Variants in PDE8A observed in about 807,000 individuals in gnomAD.
The protein encoded by PDE8A is phosphodiesterase 8A.
In PDE8A, 59 loss-of-function variants were observed where a neutral mutation model predicts 105.0. That is an observed-to-expected ratio of 0.56 (90% confidence interval 0.46 to 0.70). PDE8A has a LOEUF of 0.70. Ranked by LOEUF, PDE8A falls within the 30% of genes least tolerant of loss-of-function variation. The probability of loss-of-function intolerance (pLI) is 0.00; values close to 1 mark genes in which losing one functional copy is unlikely to be tolerated. For missense variants in PDE8A, 1,014 were observed against 1,045.9 expected, an observed-to-expected ratio of 0.97 and a Z score of 0.42; for synonymous variants, 355 against 371.9, an observed-to-expected ratio of 0.95 and a Z score of 0.52.
rs118031302 is a variant in PDE8A at position 84,987,932 on chromosome 15, A to T, written c.186+5584A>T. On this transcript the variant is annotated intron_variant, in intron 1 of 21. Transcript: ENST00000394553. The stretch of plus-strand genomic sequence containing the variant: ...AGGACATGAGTAAGCCCTCAGTCTT[A>T]CCCAAGCTTAGTGGCTTCATCCTGG... 2.1e-3 allele frequency among the ~76,000 whole-genome samples: 327 copies of T among 152,324 alleles called. 1 individual carries two copies. The highest frequency in any genetic ancestry group is 3.7e-3 in the Admixed American group (56 of 15,304).
At chr15:85,077,423 G>A (rs893091525) in intron 5 of PDE8A, among the ~76,000 whole-genome samples, 2 of 152,214 alleles carry the variant, frequency 1.3e-5, no homozygotes, top group African/African-American at 4.8e-5. Context: ...TGTAGCCCAG[G>A]TTAGTATAAG....
At chr15:85,126,087 T>G in intron 19 of PDE8A, 120 bp from the exon 20 acceptor site, 32 of 615,828 alleles carry the variant, frequency 5.2e-5, no homozygotes, top group Non-Finnish European at 6.9e-5. Context: ...CACTGTTTTG[T>G]GAGATCCTTA....
chr15:85,129,930 C>T (rs1336702693), intron 20 of PDE8A, among the ~76,000 whole-genome samples: 1 of 152,040 alleles, frequency 6.6e-6, no homozygotes, highest in Non-Finnish European at 1.5e-5. Context: ...TTCTTTGACC[C>T]CTTGGTTGTT....
chr15:85,065,887 G>A (rs16974197), intron 2 of PDE8A, among the ~76,000 whole-genome samples: 13,493 of 152,266 alleles, frequency 0.089, 1,659 homozygotes, highest in African/African-American at 0.28. Flanking sequence ...CAGGACTGAC[G>A]TGATTGGGGC....
chr15:85,067,086 A>C lies in PDE8A; in HGVS notation c.316A>C (p.Lys106Gln). ...FCRACEKAGFKCTVTKEAQAV... is the reference protein window; with the variant it reads ...FCRACEKAGFQCTVTKEAQAV... Reference sequence around the variant, plus strand: ...CAGGGCATGTGAAAAAGCAGGGTTTAAGTGTACAGTTACCAAGGAGGCTCA... The same window carrying C: ...CAGGGCATGTGAAAAAGCAGGGTTTCAGTGTACAGTTACCAAGGAGGCTCA... The change falls in exon 3 of 22, where the codon AAG becomes CAG. Residue 106 changes from lysine (K) to glutamine (Q), a missense_variant. Coordinates refer to ENST00000394553, the MANE Select transcript of PDE8A (RefSeq NM_002605.3). The C allele has an allele frequency of 6.2e-7, 1 of 1,613,796 alleles. No individual in the cohort carries two copies. Among genetic ancestry groups the C allele is most frequent in the Non-Finnish European group, 8.5e-7 (1 of 1,179,668 alleles).
chr15:85,074,537 C>T (rs2081355699), intron 3 of PDE8A, among the ~76,000 whole-genome samples: 1 of 152,018 alleles, frequency 6.6e-6, no homozygotes, highest in Non-Finnish European at 1.5e-5. Context: ...CTCGTCTCTA[C>T]AAAAAATAAA....
chr15:84,989,298 G>A (rs757741721), intron 1 of PDE8A, among the ~76,000 whole-genome samples: 1 of 152,254 alleles, frequency 6.6e-6, no homozygotes, highest in Non-Finnish European at 1.5e-5. Flanking sequence ...TTTGGGATGG[G>A]GGGCTTTGCC....
chr15:85,075,856 T>C lies in PDE8A; in HGVS notation c.435-6T>C. The C allele has an allele frequency of 1.4e-6, 2 of 1,477,954 alleles. No homozygotes were observed. Among genetic ancestry groups the C allele is most frequent in the Non-Finnish European group, 1.9e-6 (2 of 1,073,938 alleles). 91.6% of individuals were successfully genotyped at this position (1,477,954 alleles called of 1,614,324 possible). ...ATTTATTTTAAAGTTTTGTGTTTTT[T>C]TTAAGGTCTATCAGATCATCAAAAC... On this transcript the variant is annotated splice_polypyrimidine_tract_variant and splice_region_variant and intron_variant, in intron 3 of 21. Coordinates refer to ENST00000394553, the MANE Select transcript of PDE8A (RefSeq NM_002605.3).
chr15:85,069,326 C>G (rs1455861975), intron 3 of PDE8A, among the ~76,000 whole-genome samples: 1 of 152,218 alleles, frequency 6.6e-6, no homozygotes, highest in Non-Finnish European at 1.5e-5. Flanking sequence ...CATCCAGCCT[C>G]TCCTCAGGAC....
At chr15:84,982,660 A>G (rs1160504143) in intron 1 of PDE8A, among the ~76,000 whole-genome samples, 2 of 152,118 alleles carry the variant, frequency 1.3e-5, no homozygotes, top group East Asian at 3.9e-4. Flanking sequence ...AGGCGCTTGC[A>G]TCAATTTCCT....
intron 1 of PDE8A, among the ~76,000 whole-genome samples, chr15:85,033,378 T>C (rs1181117517): frequency 6.6e-6 from 1 of 152,110 alleles, no homozygotes; most frequent in African/African-American, 2.4e-5. Context: ...GGTCTGACCT[T>C]GTAGCAGGAA....
chr15:85,128,052 CAAAAAAAAAAAAAA>C (rs61221393), intron 20 of PDE8A, among the ~76,000 whole-genome samples: 1 of 57,250 alleles, frequency 1.7e-5, no homozygotes, highest in Non-Finnish European at 4.0e-5. Flanking sequence ...TATTCCTATG[CAAAAAAAAAAAAAA>C]AAAAAAAGAA....
intron 9 of PDE8A, among the ~76,000 whole-genome samples, chr15:85,098,466 C>T (rs539981597): frequency 1.6e-4 from 24 of 152,184 alleles, no homozygotes; most frequent in Non-Finnish European, 2.5e-4. Flanking sequence ...CTATATAAAA[C>T]AGATGTGACT....
rs115312120 is a variant in PDE8A at position 85,089,451 on chromosome 15, C to T, written c.714+35C>T. The T allele has an allele frequency of 5.8e-3, 7,354 of 1,273,588 alleles. 102 individuals carry two copies. The highest frequency in any genetic ancestry group is 0.046 in the African/African-American group (3,137 of 67,578). 78.9% of individuals were successfully genotyped at this position (1,273,588 alleles called of 1,614,324 possible). ...TTTGGAAATCTGTCTTTCTGGATTT[C>T]TTGTTTTGCTTTTTCCAACTTTTAG... is the stretch of plus-strand genomic sequence containing the variant. On this transcript the variant is annotated intron_variant, in intron 7 of 21. Coordinates refer to ENST00000394553, the MANE Select transcript of PDE8A (RefSeq NM_002605.3).
chr15:85,035,994 G>C (rs1567240929), intron 1 of PDE8A, among the ~76,000 whole-genome samples: 1 of 152,194 alleles, frequency 6.6e-6, no homozygotes, highest in African/African-American at 2.4e-5. Context: ...ATTTTCAGCA[G>C]ATCTGAGGTT....
intron 5 of PDE8A, among the ~76,000 whole-genome samples, chr15:85,078,677 T>C (rs2141488815): frequency 6.6e-6 from 1 of 152,194 alleles, no homozygotes; most frequent in Middle Eastern, 3.4e-3. Context: ...AGAGAATTTG[T>C]AACTAGCAGA....
intron 11 of PDE8A, among the ~76,000 whole-genome samples, chr15:85,108,045 C>T (rs2081970543): frequency 6.6e-6 from 1 of 152,106 alleles, no homozygotes; most frequent in Non-Finnish European, 1.5e-5. Flanking sequence ...GTGTCTAGTA[C>T]CACAATCAAG....
chr15:84,985,105 A>G (rs969573945), intron 1 of PDE8A, among the ~76,000 whole-genome samples: 4 of 152,206 alleles, frequency 2.6e-5, no homozygotes, highest in Non-Finnish European at 4.4e-5. Context: ...TTCCTAAACT[A>G]GTTGATTGTG....
intron 8 of PDE8A, among the ~76,000 whole-genome samples, chr15:85,093,287 C>A (rs967584976): frequency 6.6e-6 from 1 of 152,138 alleles, no homozygotes; most frequent in Non-Finnish European, 1.5e-5. Context: ...AACCTTTGTC[C>A]TTTGTCAGGA....
Sources: allele counts gnomAD v4.1 joint callset (sites outside exome capture counted in the v4.1 genomes callset), GRCh38; gene constraint gnomAD v4.1.1; transcripts MANE v1.5; gene names NCBI Gene and HGNC (gene_info 2026-07-23, HGNC 2026-07-21).